The following KCNH1 variants were observed in gnomAD, a reference collection of about 807,000 sequenced individuals.
KCNH1 encodes voltage-gated delayed rectifier potassium channel KCNH1.
In KCNH1, 27 loss-of-function variants were observed where a neutral mutation model predicts 69.2. That is an observed-to-expected ratio of 0.39 (90% CI 0.29 to 0.54). KCNH1 has a LOEUF of 0.54. KCNH1 is among the 20% of genes least tolerant of loss of function. The pLI is 0.68. For synonymous variants in KCNH1, 456 were observed against 487.7 expected (o/e 0.93, Z 0.86); for missense variants, 798 against 1,261.6 (o/e 0.63, Z 5.57).
intron 6 of KCNH1, among the ~76,000 whole-genome samples, chr1:210,980,522 C>T (rs757894407): frequency 5.9e-4 from 89 of 151,996 alleles, no homozygotes; most frequent in Admixed American, 3.3e-4. Context: ...TAAGAAACTG[C>T]AATATTAACA....
At chr1:210,870,518 T>C (rs906538895) in intron 7 of KCNH1, among the ~76,000 whole-genome samples, 1 of 152,218 alleles carries the variant, frequency 6.6e-6, no homozygotes, top group Non-Finnish European at 1.5e-5. Context: ...CACTCATCTA[T>C]TTTAAATACA....
At chr1:211,041,370 C>T (rs1269367921) in intron 5 of KCNH1, among the ~76,000 whole-genome samples, 1 of 152,156 alleles carries the variant, frequency 6.6e-6, no homozygotes, top group East Asian at 1.9e-4. Context: ...CAGCTTAGCT[C>T]CCCCTTCAAG....
chr1:211,099,584 C>G (rs1166178235), intron 3 of KCNH1, among the ~76,000 whole-genome samples: 1 of 152,162 alleles, frequency 6.6e-6, no homozygotes. Context: ...TCCCAGTGGA[C>G]TCCTCTCCTC....
intron 9 of KCNH1, among the ~76,000 whole-genome samples, chr1:210,780,774 G>A (rs1344668727): frequency 3.9e-5 from 6 of 152,182 alleles, no homozygotes; most frequent in South Asian, 2.1e-4. Context: ...ATGGCCGGGC[G>A]CGGTGGCTCA....
chr1:210,693,530 G>C (rs1681569552), intron 10 of KCNH1, among the ~76,000 whole-genome samples: 2 of 152,204 alleles, frequency 1.3e-5, no homozygotes, highest in Admixed American at 1.3e-4. Context: ...GCCCAGGGAA[G>C]CAGAGGAGTG....
intron 1 of KCNH1, among the ~76,000 whole-genome samples, chr1:211,108,117 G>C (rs1001991952): frequency 6.6e-6 from 1 of 152,180 alleles, no homozygotes; most frequent in Admixed American, 6.5e-5. Context: ...GTTTAGGTAG[G>C]CTAGTTGTGT....
At chr1:211,051,134 A>T (rs1355106590) in intron 5 of KCNH1, among the ~76,000 whole-genome samples, 1 of 151,996 alleles carries the variant, frequency 6.6e-6, no homozygotes, top group Non-Finnish European at 1.5e-5. Context: ...AGTAGCTAGG[A>T]CTACAGGTGT....
rs1048032787 is a variant in KCNH1 at position 210,974,234 on chromosome 1, T to C, written c.1032+44549A>G. On this transcript the variant is annotated intron_variant, in intron 6 of 10. Transcript: ENST00000271751. Reference sequence around the variant, plus strand: ...GTGAGTTGAGCATTTTTATCACAAATGGGTGTTGGATTTTATTTAATGATT... The same window carrying C: ...GTGAGTTGAGCATTTTTATCACAAACGGGTGTTGGATTTTATTTAATGATT... 5.3e-5 allele frequency among the ~76,000 whole-genome samples: 8 copies of C among 152,290 alleles called. No individual in the cohort carries two copies. The South Asian group carries it at 1.0e-3, about 20-fold the overall frequency.
At chr1:210,705,076 A>C (rs1290374678) in intron 10 of KCNH1, among the ~76,000 whole-genome samples, 1 of 152,184 alleles carries the variant, frequency 6.6e-6, no homozygotes, top group Non-Finnish European at 1.5e-5. Context: ...CCTGCGCAGG[A>C]GACAAGAATT....
chr1:211,079,002 C>G (rs918646172), intron 5 of KCNH1, among the ~76,000 whole-genome samples: 1 of 150,834 alleles, frequency 6.6e-6, no homozygotes, highest in African/African-American at 2.4e-5. Flanking sequence ...CAAAAAAAAC[C>G]TTCAAAAAAT....
intron 5 of KCNH1, among the ~76,000 whole-genome samples, chr1:211,050,579 G>T (rs957341736): frequency 6.6e-6 from 1 of 152,188 alleles, no homozygotes; most frequent in Non-Finnish European, 1.5e-5. Flanking sequence ...ACGCTGAAAT[G>T]CAACTGGGTA....
At chr1:211,009,507 A>C (rs1241711492) in intron 6 of KCNH1, among the ~76,000 whole-genome samples, 1 of 152,150 alleles carries the variant, frequency 6.6e-6, no homozygotes, top group East Asian at 1.9e-4. Context: ...TTCAGCACAG[A>C]ACCTGACCCA....
chr1:211,026,376 CA>C (rs34132386), intron 5 of KCNH1, among the ~76,000 whole-genome samples: 27,706 of 72,468 alleles, frequency 0.38, 3,420 homozygotes, highest in African/African-American at 0.54. Context: ...GGAGTATAGA[CA>C]AAAAAAAAAA....
chr1:210,954,562 A>G (rs1688131020), intron 6 of KCNH1, among the ~76,000 whole-genome samples: 1 of 152,154 alleles, frequency 6.6e-6, no homozygotes, highest in Non-Finnish European at 1.5e-5. Flanking sequence ...CCTCTCCAGC[A>G]TCTGTTGTTT....
chr1:210,699,279 G>A (rs1181593560), intron 10 of KCNH1, among the ~76,000 whole-genome samples: 1 of 152,158 alleles, frequency 6.6e-6, no homozygotes, highest in Non-Finnish European at 1.5e-5. Flanking sequence ...CTGAGAATGT[G>A]GCCCTCATGT....
intron 1 of KCNH1, among the ~76,000 whole-genome samples, chr1:211,127,200 G>A (rs17017226): frequency 0.19 from 28,366 of 152,054 alleles, 2,900 homozygotes; most frequent in African/African-American, 0.27. Context: ...AAACTGAACC[G>A]TAAGCTAGCC....
chr1:210,871,918 G>A, intron 7 of KCNH1, among the ~76,000 whole-genome samples: 1 of 103,758 alleles, frequency 9.6e-6, no homozygotes, highest in Non-Finnish European at 1.9e-5. Context: ...GGGGGGAGGG[G>A]GGAGGGATAG....
At chr1:211,082,241 T>G (rs945870803) in intron 5 of KCNH1, among the ~76,000 whole-genome samples, 1 of 152,232 alleles carries the variant, frequency 6.6e-6, no homozygotes, top group African/African-American at 2.4e-5. Context: ...TCACATTTAA[T>G]GTATACACTA....
At chr1:211,039,120 C>T (rs999422732) in intron 5 of KCNH1, among the ~76,000 whole-genome samples, 1 of 152,186 alleles carries the variant, frequency 6.6e-6, no homozygotes, top group Admixed American at 6.5e-5. Flanking sequence ...ACTTGGTGTC[C>T]TGTGTCCCAG....
Sources: allele counts gnomAD v4.1 joint callset (sites outside exome capture counted in the v4.1 genomes callset), GRCh38; gene constraint gnomAD v4.1.1; transcripts MANE v1.5; gene names NCBI Gene and HGNC (gene_info 2026-07-23, HGNC 2026-07-21).